B4GALT2: variants seen among roughly 807,000 people sequenced by gnomAD.
B4GALT2 encodes the protein beta-1,4-galactosyltransferase 2, also known as N-acetyllactosamine synthase.
B4GALT2 carries 18 observed loss-of-function variants against 33.2 expected under a neutral mutation model. The ratio of observed to expected loss-of-function variants is 0.54; its 90% CI spans 0.38 to 0.80. B4GALT2 has a LOEUF of 0.80. Among genes scored for constraint, B4GALT2 ranks in the 30% least tolerant of loss-of-function variants. B4GALT2 has a pLI of 0.00. For synonymous variants in B4GALT2, 214 were observed against 217.6 expected, an observed-to-expected ratio of 0.98 and a Z score of 0.15; for missense variants, 404 against 526.2, an observed-to-expected ratio of 0.77 and a Z score of 2.27.
At position 43,979,278 on chromosome 1, in the gene B4GALT2, G is replaced by T. The variant is rs1425260487; in HGVS notation, c.-286G>T. The stretch of plus-strand genomic sequence containing the variant: ...GTGGTCCGTGGGTCCGCCGGTCCGT[G>T]GGTCTGCCCGGCCGCCCGGCCCCGC... On this transcript the variant is annotated 5_prime_UTR_variant, in exon 1 of 7. Transcript: ENST00000372324. The surrounding 1 kb of genome is among the most constrained non-coding windows in gnomAD (Gnocchi z 4.8). 1.4e-5 allele frequency: 2 copies of T among 146,460 alleles called. No individual in the cohort carries two copies. Among genetic ancestry groups the T allele is most frequent in the Non-Finnish European group, 3.0e-5 (2 of 65,610 alleles). The allele number at this position is 146,460 out of a possible 1,614,324, so 9.1% of individuals were successfully genotyped here. A position where few individuals can be genotyped will look rare whatever the true frequency, so the allele number is the denominator to read the frequency against.
chr1:43,988,804 G>A (rs907693312), intron 6 of B4GALT2, among the ~76,000 whole-genome samples: 3 of 134,366 alleles, frequency 2.2e-5, no homozygotes, highest in Admixed American at 8.5e-5. Context: ...CCGAGACCGC[G>A]CCACTATATT....
In B4GALT2 at chr1:43,984,225, G is replaced by A. The variant is rs2085631710; in HGVS notation, c.550-640G>A. Among the ~76,000 whole-genome samples, 1 of 152,250 alleles carries A rather than the reference G, an allele frequency of 6.6e-6. No homozygotes were observed. On this transcript the variant is annotated intron_variant, in intron 3 of 6. Coordinates refer to ENST00000372324, the MANE Select transcript of B4GALT2 (RefSeq NM_003780.5). This position sits in a 1 kb window ranked among gnomAD's most constrained non-coding sequence, Gnocchi z 5.6. ...GTGAATCTAGCCCAGACCTGTCCTG[G>A]TCTCAGAGGCTGCCCAGGCAGCCGG... is the stretch of plus-strand genomic sequence containing the variant.
At position 43,981,136 on chromosome 1, in the gene B4GALT2, G is replaced by A. The variant is rs368225760; in HGVS notation, c.-25G>A. ...CAGCAGCCGGATGCCCGGGCCCACT[G>A]GGCGGGCCAGTGGCCGCCTGCGGGA... is the stretch of plus-strand genomic sequence containing the variant. On this transcript the variant is annotated 5_prime_UTR_variant, in exon 2 of 7. Transcript: ENST00000372324. The surrounding 1 kb of genome is among the most constrained non-coding windows in gnomAD (Gnocchi z 8.1). 6.2e-5 allele frequency: 99 copies of A among 1,595,918 alleles called. No individual in the cohort carries two copies. The African/African-American group carries it at 9.9e-4, about 16-fold the overall frequency.
chr1:43,986,844 A>G (rs2085664505), intron 6 of B4GALT2, among the ~76,000 whole-genome samples: 3 of 152,218 alleles, frequency 2.0e-5, no homozygotes, highest in Admixed American at 2.0e-4. Flanking sequence ...TGGGTGGAGC[A>G]GGAGAGAAAG....
rs1297257717 is a variant in B4GALT2, at chr1:43,990,721, C to T, written c.*273C>T. On this transcript the variant is annotated 3_prime_UTR_variant, in exon 7 of 7. Transcript: ENST00000372324. Reference sequence around the variant, plus strand: ...GCCCAGCCCCAGTCACTGTCAGGGTCGGGCCAGCCCCTGCACTGCCTCGCA... The same window carrying T: ...GCCCAGCCCCAGTCACTGTCAGGGTTGGGCCAGCCCCTGCACTGCCTCGCA... 1.4e-5 allele frequency: 7 copies of T among 485,624 alleles called. No homozygotes were observed. In the East Asian group the frequency reaches 2.3e-4, roughly 16 times the overall value. 30.1% of individuals were successfully genotyped at this position (485,624 alleles called of 1,614,324 possible).
In B4GALT2 at chr1:43,981,077, T is replaced by C; in HGVS notation, c.-52-32T>C. 10 of 1,522,684 alleles carry C rather than the reference T, an allele frequency of 6.6e-6. No homozygotes were observed. The highest frequency in any genetic ancestry group is 8.8e-6 in the Non-Finnish European group (10 of 1,137,792). The allele number at this position is 1,522,684 out of a possible 1,614,324, so 94.3% of individuals were successfully genotyped here. ...CAGCCTTGCCTGTCCTGCCCTGACC[T>C]GCTGGATCTGTTTCCCTCCCACCCT... On this transcript the variant is annotated intron_variant, in intron 1 of 6. Transcript: ENST00000372324. The surrounding 1 kb of genome is among the most constrained non-coding windows in gnomAD (Gnocchi z 8.1).
At chr1:43,985,886 C>G in intron 6 of B4GALT2, 2 of 539,460 alleles carry the variant, frequency 3.7e-6, no homozygotes, top group Non-Finnish European at 6.7e-6. Context: ...CTAGAGGTGA[C>G]CAGAATTTAA....
rs1226866793 is a variant in B4GALT2, at chr1:43,990,374, G to A, written c.1045G>A (p.Val349Met). 1.9e-6 allele frequency: 3 copies of A among 1,614,210 alleles called. No individual in the cohort carries two copies. The Admixed American group carries it at 5.0e-5, about 27-fold the overall frequency. The change falls in exon 7 of 7, where the codon GTG (valine) becomes ATG (methionine). Residue 349 changes from valine to methionine, a missense_variant. By Grantham distance (21) the Val-to-Met change is conservative. Coordinates refer to ENST00000372324, the MANE Select transcript of B4GALT2 (RefSeq NM_003780.5). ...GTCAGTGCGGTACCAGGTCTTGGAG[G>A]TGTCTCGGCAACCACTCTTCACCAA... ...IGSVRYQVLE[V>M]SRQPLFTNIT...
At chr1:43,985,234 G>A (rs753102734) in intron 4 of B4GALT2, 44 bp from the exon 5 acceptor site, 8 of 1,586,224 alleles carry the variant, frequency 5.0e-6, no homozygotes, top group Non-Finnish European at 6.9e-6. Context: ...TTCCCCTGGA[G>A]TCCCCTTGGG....
rs773413040 is a variant in B4GALT2 at position 43,985,527 on chromosome 1, A to G, written c.874A>G (p.Thr292Ala). ...DDDIFNRISL[T>A]GMKISRPDIR... ...CGTCCCCATCCTCAGGATCTCCCTGACTGGGATGAAGATCTCACGCCCAGA... is the reference window on the plus strand; with the variant it reads ...CGTCCCCATCCTCAGGATCTCCCTGGCTGGGATGAAGATCTCACGCCCAGA... The change falls in exon 6 of 7, where the codon ACT becomes GCT. Residue 292 changes from threonine to alanine, a missense_variant. Coordinates refer to ENST00000372324, the MANE Select transcript of B4GALT2 (RefSeq NM_003780.5). 4.3e-6 allele frequency: 7 copies of G among 1,611,314 alleles called. No individual in the cohort carries two copies. The African/African-American group carries it at 6.7e-5, about 15-fold the overall frequency.
intron 6 of B4GALT2, among the ~76,000 whole-genome samples, chr1:43,988,039 C>T (rs1177543413): frequency 6.6e-6 from 1 of 152,158 alleles, no homozygotes; most frequent in Non-Finnish European, 1.5e-5. Context: ...CTGTCATGGC[C>T]ATGGCAGTAG....
rs2085717043 is a variant in B4GALT2, at chr1:43,990,433, G to A, written c.1104G>A (p.Trp368Ter). The A allele has an allele frequency of 6.2e-7, 1 of 1,614,106 alleles. No homozygotes were observed. Among genetic ancestry groups the A allele is most frequent in the African/African-American group, 1.3e-5 (1 of 75,014 alleles). Residue 368 changes from tryptophan (W) to a stop codon, truncating the protein, a stop_gained, in exon 7 of 7, where the codon TGG (tryptophan) becomes TGA (stop). Transcript: ENST00000372324. LOFTEE classifies it high-confidence loss of function. ...ITVDIGRPPS[W>*]PPRG is the part of the protein sequence containing the mutation. ...TGGACATTGGGCGGCCTCCGTCGTGGCCCCCTCGGGGCTGACACTAATGGA... is the reference window on the plus strand; with the variant it reads ...TGGACATTGGGCGGCCTCCGTCGTGACCCCCTCGGGGCTGACACTAATGGA...
At position 43,990,197 on chromosome 1, in the gene B4GALT2, C is replaced by T. The variant is rs561731534; in HGVS notation, c.969-101C>T. The T allele has an allele frequency of 2.5e-5, 37 of 1,485,350 alleles. No individual in the cohort carries two copies. The Admixed American group carries it at 5.4e-4, about 22-fold the overall frequency. 92.0% of individuals were successfully genotyped at this position (1,485,350 alleles called of 1,614,324 possible). A position where few individuals can be genotyped will look rare whatever the true frequency, so the allele number is the denominator to read the frequency against. ...TGTTTTTAAGGTTCCCTGGGGTCCCCTTGGCCAAAAGGGGGTCCATTTAGT... is the reference window on the plus strand; with the variant it reads ...TGTTTTTAAGGTTCCCTGGGGTCCCTTTGGCCAAAAGGGGGTCCATTTAGT... On this transcript the variant is annotated intron_variant, in intron 6 of 6. Coordinates refer to ENST00000372324, the MANE Select transcript of B4GALT2 (RefSeq NM_003780.5).
Position 43,990,449 on chromosome 1 carries a change from C to T in B4GALT2, c.*1C>T, listed in dbSNP as rs768831251. The T allele has an allele frequency of 1.2e-5, 19 of 1,614,140 alleles. No homozygotes were observed. In the South Asian group the frequency reaches 1.6e-4, roughly 14 times the overall value. On this transcript the variant is annotated 3_prime_UTR_variant, in exon 7 of 7. Coordinates refer to ENST00000372324, the MANE Select transcript of B4GALT2 (RefSeq NM_003780.5). Reference sequence around the variant, plus strand: ...TCCGTCGTGGCCCCCTCGGGGCTGACACTAATGGACAGAGGCTCTCGGTGC... The same window carrying T: ...TCCGTCGTGGCCCCCTCGGGGCTGATACTAATGGACAGAGGCTCTCGGTGC...
chr1:43,983,390 G>A (rs774140324), intron 3 of B4GALT2, among the ~76,000 whole-genome samples: 1 of 152,214 alleles, frequency 6.6e-6, no homozygotes, highest in Non-Finnish European at 1.5e-5. Context: ...ACCCAGGGGA[G>A]TGTGGGATCC....
intron 3 of B4GALT2, among the ~76,000 whole-genome samples, chr1:43,983,964 A>G (rs1265938863): frequency 6.6e-6 from 1 of 152,102 alleles, no homozygotes; most frequent in East Asian, 1.9e-4. Flanking sequence ...CAGAAAGGCC[A>G]CTCACCGATC....
chr1:43,981,793 A>C lies in B4GALT2; in HGVS notation c.418A>C (p.Thr140Pro). Residue 140 changes from threonine (T) to proline (P), a missense_variant, in exon 3 of 7, where the codon ACC becomes CCC. Thr to Pro is a conservative substitution (Grantham distance 38). Coordinates refer to ENST00000372324, the MANE Select transcript of B4GALT2 (RefSeq NM_003780.5). The surrounding 1 kb of genome is among the most constrained non-coding windows in gnomAD (Gnocchi z 8.1). ...MGGRYTPPDC[T>P]PAQTVAVIIP... ...CGGCCGATACACACCGCCCGACTGC[A>C]CCCCAGCCCAGACGGTGGCGGTCAT... 1 of 1,613,646 alleles carries C rather than the reference A, an allele frequency of 6.2e-7. No individual in the cohort carries two copies. Among genetic ancestry groups the C allele is most frequent in the South Asian group, 1.1e-5 (1 of 91,078 alleles).
At chr1:43,985,672 C>A (rs1050919512) in intron 6 of B4GALT2, 51 bp downstream of exon 6, 2 of 1,559,566 alleles carry the variant, frequency 1.3e-6, no homozygotes, top group African/African-American at 2.7e-5. Flanking sequence ...TTCCCAATAT[C>A]CCCAACTCTT....
At chr1:43,980,822 G>A (rs148300374) in intron 1 of B4GALT2, among the ~76,000 whole-genome samples, 80 of 152,288 alleles carry the variant, frequency 5.3e-4, no homozygotes, top group African/African-American at 1.9e-3. Context: ...GTGTAGAGTT[G>A]TGCAATAAGG....
Sources: gnomAD v4.1 joint callset for allele counts (sites outside exome capture counted in the v4.1 genomes callset) on GRCh38, gnomAD v4.1.1 for gene constraint, Gnocchi (gnomAD v3.1) non-coding constraint, MANE v1.5 for transcripts, NCBI Gene and HGNC (gene_info 2026-07-23, HGNC 2026-07-21) for gene names.